AXIN1: variants seen among roughly 807,000 people sequenced by gnomAD.
AXIN1 encodes the protein axin-1.
AXIN1 carries 30 observed loss-of-function variants against 76.4 expected under a neutral mutation model. The ratio of observed to expected loss-of-function variants is 0.39; its 90% CI spans 0.29 to 0.53. The LOEUF is 0.53. AXIN1 is among the 20% of genes least tolerant of loss of function. The pLI, the probability that AXIN1 is intolerant of heterozygous loss-of-function variation, is 0.66. For synonymous variants in AXIN1, 545 were observed against 501.4 expected (o/e 1.09, Z -1.16); for missense variants, 1,140 against 1,198.8 (o/e 0.95, Z 0.72).
intron 3 of AXIN1, 124 bp from the exon 4 acceptor site, chr16:310,193 A>G (rs1264241987): frequency 1.3e-6 from 1 of 791,614 alleles, no homozygotes; most frequent in African/African-American, 1.7e-5. Flanking sequence ...GTGAGCCACC[A>G]CCACTGAGAC....
chr16:332,164 A>T (rs1176351820), intron 2 of AXIN1, among the ~76,000 whole-genome samples: 1 of 152,214 alleles, frequency 6.6e-6, no homozygotes, highest in Non-Finnish European at 1.5e-5. Context: ...CAGCTCCTGC[A>T]GATGGTGGTG....
chr16:300,827 T>G (rs1159038094), intron 5 of AXIN1, among the ~76,000 whole-genome samples: 14 of 152,180 alleles, frequency 9.2e-5, no homozygotes, highest in Admixed American at 9.2e-4. Context: ...TAAAAGTGTT[T>G]GGAGTTTTGA....
intron 2 of AXIN1, among the ~76,000 whole-genome samples, chr16:331,567 G>C (rs191830342): frequency 1.3e-5 from 2 of 152,080 alleles, no homozygotes; most frequent in Non-Finnish European, 2.9e-5. Flanking sequence ...TGAAAGAAAC[G>C]CAACCAACTC....
In AXIN1 at chr16:287,827, T is replaced by TGGG. The variant is rs34396403; in HGVS notation, c.*292_*294dup. ...CGTGCCCAAGGGAGGTGCCGGGGGA[T>TGGG]GGGGGGGGGTCACCTGAAGCTGGCA... On this transcript the variant is annotated 3_prime_UTR_variant, in exon 11 of 11. Transcript: ENST00000262320. 372 of 492,716 alleles carry TGGG rather than the reference T, an allele frequency of 7.5e-4. 3 individuals are homozygous for TGGG. The highest frequency in any genetic ancestry group is 6.4e-3 in the African/African-American group (328 of 51,378). 30.5% of individuals were successfully genotyped at this position (492,716 alleles called of 1,614,324 possible). A position where few individuals can be genotyped will look rare whatever the true frequency, so the allele number is the denominator to read the frequency against.
At chr16:352,099 G>T (rs2054157967) in intron 1 of AXIN1, among the ~76,000 whole-genome samples, 1 of 152,054 alleles carries the variant, frequency 6.6e-6, no homozygotes, top group African/African-American at 2.4e-5. Context: ...GGGCGGCGGG[G>T]AGGGCTCCAG....
At position 346,150 on chromosome 16, in the gene AXIN1, G is replaced by T. The variant is rs529125621; in HGVS notation, c.876C>A (p.Phe292Leu). 1.2e-6 allele frequency: 2 copies of T among 1,613,534 alleles called. No homozygotes were observed. The highest frequency in any genetic ancestry group is 1.1e-5 in the South Asian group (1 of 91,076). Residue 292 changes from phenylalanine (F) to leucine (L), a missense_variant and splice_region_variant, in exon 2 of 11, where the codon TTC becomes TTA. This residue lies in a region of AXIN1 where 708 missense variants were observed against 776.9 expected (regional missense o/e 0.91). Coordinates refer to ENST00000262320, the MANE Select transcript of AXIN1 (RefSeq NM_003502.4). ...TGGACGCCTGGCGTCGGACTCACCT[G>T]AACTCTCTGCCTTCGCTGTACCGTC... ...SSRRYSEGRE[F>L]RYGSWREPVN...
At chr16:342,046 A>G (rs573633396) in intron 2 of AXIN1, among the ~76,000 whole-genome samples, 74 of 152,298 alleles carry the variant, frequency 4.9e-4, no homozygotes, top group Admixed American at 1.7e-3. Flanking sequence ...CAGATAAGAG[A>G]ATAAAAGCTG....
intron 8 of AXIN1, chr16:291,571 G>A (rs1325327461): frequency 3.8e-6 from 2 of 528,126 alleles, no homozygotes; most frequent in Admixed American, 3.1e-5. Flanking sequence ...TTCCGATCAG[G>A]GGTGCTGGGA....
intron 2 of AXIN1, among the ~76,000 whole-genome samples, chr16:320,707 G>A (rs988842169): frequency 2.1e-5 from 3 of 143,358 alleles, no homozygotes; most frequent in South Asian, 2.2e-4. Flanking sequence ...ATATGCATAC[G>A]TATATGCGTG....
intron 3 of AXIN1, among the ~76,000 whole-genome samples, chr16:312,464 G>A (rs2053204748): frequency 6.6e-6 from 1 of 152,194 alleles, no homozygotes; most frequent in Admixed American, 6.5e-5. Context: ...AAACTGAGTT[G>A]GCAGGTTACT....
At chr16:305,707 C>A (rs1366206432) in intron 4 of AXIN1, among the ~76,000 whole-genome samples, 1 of 152,060 alleles carries the variant, frequency 6.6e-6, no homozygotes, top group Non-Finnish European at 1.5e-5. Flanking sequence ...CCATGCCCGG[C>A]TAATTTTTTT....
intron 7 of AXIN1, among the ~76,000 whole-genome samples, chr16:294,755 CA>C (rs1015576394): frequency 9.0e-3 from 222 of 24,742 alleles, no homozygotes; most frequent in South Asian, 0.043. Context: ...AACCCCATCT[CA>C]AAAAAAAAAA....
rs974064313 is a variant in AXIN1, at chr16:338,131, C to T, written c.878+8017G>A. 2.6e-5 allele frequency among the ~76,000 whole-genome samples: 4 copies of T among 152,198 alleles called. No homozygotes were observed. In the South Asian group the frequency reaches 6.2e-4, roughly 24 times the overall value. ...CCACCATAGCCCAGCCTGGCCCCCA[C>T]CTCCGATAACTGCAGGGTACGCTGC... On this transcript the variant is annotated intron_variant, in intron 2 of 10. Transcript: ENST00000262320.
chr16:304,974 C>T (rs1008130030), intron 4 of AXIN1, among the ~76,000 whole-genome samples: 3 of 152,224 alleles, frequency 2.0e-5, no homozygotes, highest in East Asian at 1.9e-4. Context: ...TTCTTTCCAG[C>T]GTCTCCCGAC....
intron 3 of AXIN1, among the ~76,000 whole-genome samples, chr16:312,715 C>G (rs761301329): frequency 3.3e-5 from 5 of 152,248 alleles, no homozygotes; most frequent in Non-Finnish European, 5.9e-5. Flanking sequence ...CACAGCAGCT[C>G]TGCCCGGAAG....
Position 297,937 on chromosome 16 carries a change from C to T in AXIN1, c.1569G>A (p.Lys523=), listed in dbSNP as rs2052760945. Reference sequence around the variant, plus strand: ...GGTGGTGCAGGCCGGCCGCGTCCAGCTTCGCCCCTGACTTGGGTACGTGCT... The same window carrying T: ...GGTGGTGCAGGCCGGCCGCGTCCAGTTTCGCCCCTGACTTGGGTACGTGCT... ...HGKHVPKSGA[K]LDAAGLHHHR... The change falls in exon 6 of 11, where the codon AAG becomes AAA. Residue 523 remains lysine (K), a synonymous_variant. Transcript: ENST00000262320. The T allele has an allele frequency of 6.2e-7, 1 of 1,601,606 alleles. No individual in the cohort carries two copies. Among genetic ancestry groups the T allele is most frequent in the African/African-American group, 1.3e-5 (1 of 74,782 alleles).
rs2052615551 is a variant in AXIN1 at position 293,175 on chromosome 16, G to T, written c.2186+313C>A. The T allele has an allele frequency of 8.7e-6, 4 of 458,542 alleles. No individual in the cohort carries two copies. Among genetic ancestry groups the T allele is most frequent in the African/African-American group, 1.9e-5 (1 of 51,362 alleles). The allele number at this position is 458,542 out of a possible 1,614,324, so 28.4% of individuals were successfully genotyped here. A position where few individuals can be genotyped will look rare whatever the true frequency, so the allele number is the denominator to read the frequency against. On this transcript the variant is annotated intron_variant, in intron 8 of 10. Transcript: ENST00000262320. This position sits in a 1 kb window ranked among gnomAD's most constrained non-coding sequence, Gnocchi z 4.6. ...GCGAGCAGCCTCTGGCTGGGGACCG[G>T]CGTTCCCCACACACTGGGGCCCTGC...
chr16:302,887 CA>C (rs1431380175), intron 5 of AXIN1, among the ~76,000 whole-genome samples: 1 of 152,156 alleles, frequency 6.6e-6, no homozygotes, highest in African/African-American at 2.4e-5. Context: ...AAAGCAAAGG[CA>C]TTTTTTTTTG....
At chr16:349,024 G>C (rs918508219) in intron 1 of AXIN1, among the ~76,000 whole-genome samples, 1 of 151,742 alleles carries the variant, frequency 6.6e-6, no homozygotes, top group African/African-American at 2.4e-5. Flanking sequence ...CATGAACCCG[G>C]GAGGCAGAGC....
Sources: gnomAD v4.1 joint callset for allele counts (sites outside exome capture counted in the v4.1 genomes callset) on GRCh38, gnomAD v4.1.1 for gene constraint, gnomAD v4.1.1 regional missense constraint, Gnocchi (gnomAD v3.1) non-coding constraint, MANE v1.5 for transcripts, NCBI Gene and HGNC (gene_info 2026-07-23, HGNC 2026-07-21) for gene names.